Variants in TRAM2 observed in about 807,000 individuals in gnomAD.
The protein encoded by TRAM2 is translocating chain-associated membrane protein 2.
TRAM2 carries 12 observed loss-of-function variants against 51.0 expected under a neutral mutation model. The ratio of observed to expected loss-of-function variants is 0.24; its 90% CI spans 0.15 to 0.38. TRAM2 has a LOEUF of 0.38. Ranked by LOEUF, TRAM2 falls within the 10% of genes least tolerant of loss-of-function variation. The pLI is 1.00. For missense variants in TRAM2, 361 were observed against 462.0 expected (o/e 0.78, Z 2.00); for synonymous variants, 175 against 179.4 (o/e 0.98, Z 0.20).
intron 2 of TRAM2, among the ~76,000 whole-genome samples, chr6:52,526,215 G>A (rs2114078799): frequency 6.7e-6 from 1 of 148,330 alleles, no homozygotes; most frequent in South Asian, 2.1e-4. Context: ...ACACGCCAGA[G>A]AATTAAAGAT....
intron 10 of TRAM2, among the ~76,000 whole-genome samples, chr6:52,503,903 C>T (rs1181160558): frequency 6.6e-6 from 1 of 152,188 alleles, no homozygotes; most frequent in Non-Finnish European, 1.5e-5. Context: ...TGTGACACAC[C>T]CAGCTGCGCG....
At chr6:52,539,890 A>T (rs1767047123) in intron 1 of TRAM2, among the ~76,000 whole-genome samples, 1 of 152,150 alleles carries the variant, frequency 6.6e-6, no homozygotes, top group African/African-American at 2.4e-5. Context: ...GGTTTCTCAT[A>T]AATTCCTATT....
At chr6:52,545,784 A>C (rs1446590133) in intron 1 of TRAM2, among the ~76,000 whole-genome samples, 1 of 152,030 alleles carries the variant, frequency 6.6e-6, no homozygotes, top group Non-Finnish European at 1.5e-5. Flanking sequence ...ATAGTCCTCC[A>C]TGGCTCCCTA....
intron 2 of TRAM2, among the ~76,000 whole-genome samples, chr6:52,531,623 A>C (rs1392960737): frequency 6.6e-6 from 1 of 152,138 alleles, no homozygotes; most frequent in African/African-American, 2.4e-5. Context: ...GAACCCCCTG[A>C]GGTGTCTGCG....
intron 2 of TRAM2, among the ~76,000 whole-genome samples, chr6:52,527,950 G>A (rs1318799675): frequency 6.6e-6 from 1 of 152,114 alleles, no homozygotes; most frequent in African/African-American, 2.4e-5. Context: ...TTTTCAGATG[G>A]CCAACCAATA....
chr6:52,522,820 C>A, intron 2 of TRAM2: 1 of 684,206 alleles, frequency 1.5e-6, no homozygotes, highest in Admixed American at 2.1e-5. Flanking sequence ...TGGGGAGTCA[C>A]ATTCTGCTTG....
chr6:52,539,654 C>T (rs1264473687), intron 1 of TRAM2, among the ~76,000 whole-genome samples: 1 of 152,120 alleles, frequency 6.6e-6, no homozygotes, highest in African/African-American at 2.4e-5. Context: ...ATCTGACCTG[C>T]CTTGATGATC....
chr6:52,549,787 C>A (rs952805375), intron 1 of TRAM2, among the ~76,000 whole-genome samples: 2 of 152,108 alleles, frequency 1.3e-5, no homozygotes, highest in East Asian at 3.9e-4. Context: ...GCATTTAATG[C>A]GCCATCACTT....
Position 52,501,536 on chromosome 6 carries a change from A to T in TRAM2, c.*1661T>A, listed in dbSNP as rs1019391993. 25 of 152,080 alleles carry T rather than the reference A, an allele frequency of 1.6e-4. No individual in the cohort carries two copies. The highest frequency in any genetic ancestry group is 6.0e-4 in the African/African-American group (25 of 41,396). 9.4% of individuals were successfully genotyped at this position (152,080 alleles called of 1,614,324 possible). A position where few individuals can be genotyped will look rare whatever the true frequency, so the allele number is the denominator to read the frequency against. On this transcript the variant is annotated 3_prime_UTR_variant, in exon 11 of 11. Coordinates refer to ENST00000182527, the MANE Select transcript of TRAM2 (RefSeq NM_012288.4). The stretch of plus-strand genomic sequence containing the variant: ...CCCTTTGCCTCAAAACAGAGTTCGG[A>T]GGTTCTTAATTGGGACTTTTGTTTT...
At chr6:52,550,220 C>T (rs1767283626) in intron 1 of TRAM2, among the ~76,000 whole-genome samples, 1 of 152,162 alleles carries the variant, frequency 6.6e-6, no homozygotes, top group African/African-American at 2.4e-5. Flanking sequence ...AACTCCAGCC[C>T]CTCCCCTTCA....
chr6:52,533,160 T>C (rs1766922571), intron 2 of TRAM2, among the ~76,000 whole-genome samples: 1 of 152,150 alleles, frequency 6.6e-6, no homozygotes, highest in Admixed American at 6.5e-5. Context: ...AAAAGAGTTC[T>C]GGAGATAGAT....
In TRAM2 at chr6:52,507,517, G is replaced by A. The variant is rs76097596; in HGVS notation, c.626+36C>T. On this transcript the variant is annotated intron_variant, in intron 7 of 10. Transcript: ENST00000182527. ...TGGACAGATGCATGGACATAAAAGG[G>A]CAAGGAAATCTGGCTGGCTCCATGG... The A allele has an allele frequency of 1.9e-3, 3,095 of 1,608,666 alleles. 63 individuals are homozygous for A. The African/African-American group carries it at 0.037, about 19-fold the overall frequency.
At chr6:52,574,956 G>A (rs1284023699) in intron 1 of TRAM2, among the ~76,000 whole-genome samples, 1 of 152,168 alleles carries the variant, frequency 6.6e-6, no homozygotes, top group African/African-American at 2.4e-5. Context: ...TGGCTTTGAG[G>A]TTTACAGCTG....
rs1766271028 is a variant in TRAM2, at chr6:52,503,187, C to T, written c.*10G>A. The T allele has an allele frequency of 3.1e-6, 5 of 1,612,600 alleles. No individual in the cohort carries two copies. Among genetic ancestry groups the T allele is most frequent in the Non-Finnish European group, 4.2e-6 (5 of 1,178,902 alleles). On this transcript the variant is annotated 3_prime_UTR_variant, in exon 11 of 11. Transcript: ENST00000182527. ...CCACCAAGAGGATTCCTGTTCTTAGCACTTTGGCCTTAGGGAGACTTGAGT... is the reference window on the plus strand; with the variant it reads ...CCACCAAGAGGATTCCTGTTCTTAGTACTTTGGCCTTAGGGAGACTTGAGT...
chr6:52,535,665 A>G, intron 2 of TRAM2, 118 bp downstream of exon 2: 1 of 810,272 alleles, frequency 1.2e-6, no homozygotes, highest in Non-Finnish European at 2.0e-6. Context: ...TGGGTGACAG[A>G]GCAGAGACTC....
intron 1 of TRAM2, among the ~76,000 whole-genome samples, chr6:52,536,145 T>TA (rs1349331733): frequency 6.6e-6 from 1 of 152,212 alleles, no homozygotes; most frequent in Non-Finnish European, 1.5e-5. Context: ...TGTCAGCCAT[T>TA]CGTTCATTCA....
At chr6:52,571,436 C>T (rs751416594) in intron 1 of TRAM2, among the ~76,000 whole-genome samples, 1 of 152,126 alleles carries the variant, frequency 6.6e-6, no homozygotes, top group Non-Finnish European at 1.5e-5. Flanking sequence ...GTGACCGGTC[C>T]GGACAGCGCC....
intron 2 of TRAM2, chr6:52,524,658 T>C (rs1338859001): frequency 6.6e-6 from 1 of 152,240 alleles, no homozygotes; most frequent in Admixed American, 6.5e-5. Context: ...ACTGTGTGAA[T>C]GTATTTCTAT....
chr6:52,526,262 T>C (rs544378486), intron 2 of TRAM2, among the ~76,000 whole-genome samples: 33 of 151,832 alleles, frequency 2.2e-4, no homozygotes, highest in African/African-American at 6.5e-4. Flanking sequence ...TAACCCCACA[T>C]TGCATGCTTT....
Sources: allele counts gnomAD v4.1 joint callset (sites outside exome capture counted in the v4.1 genomes callset), GRCh38; gene constraint gnomAD v4.1.1; transcripts MANE v1.5; gene names NCBI Gene and HGNC (gene_info 2026-07-23, HGNC 2026-07-21).